The following EXD3 variants were observed in gnomAD, a reference collection of about 807,000 sequenced individuals.
EXD3 encodes exonuclease mut-7 homolog.
Under a neutral mutation model 98.0 loss-of-function variants are expected in EXD3, and 92 were observed. The ratio of observed to expected loss-of-function variants is 0.94; its 90% CI spans 0.79 to 1.12. The LOEUF (loss-of-function observed/expected upper bound fraction) is 1.12. EXD3 is among the 50% of genes most tolerant of loss of function. EXD3 has a pLI of 0.00. For synonymous variants in EXD3, 569 were observed against 526.0 expected (o/e 1.08, Z -1.12); for missense variants, 1,222 against 1,191.6 (o/e 1.03, Z -0.38).
At position 137,384,623 on chromosome 9, in the gene EXD3, T is replaced by C. The variant is rs539656830; in HGVS notation, c.56-1246A>G. 2.0e-5 allele frequency among the ~76,000 whole-genome samples: 3 copies of C among 152,178 alleles called. 1 individual carries two copies. The highest frequency in any genetic ancestry group is 2.0e-4 in the Admixed American group (3 of 15,272). ...CATCAGGACCGGCCGACAATGTGAT[T>C]GATTACACAGAAAGCCACGAAGGAT... On this transcript the variant is annotated intron_variant, in intron 2 of 21. Coordinates refer to ENST00000340951, the MANE Select transcript of EXD3 (RefSeq NM_017820.5).
At chr9:137,308,557 G>A (rs916713155) in intron 20 of EXD3, among the ~76,000 whole-genome samples, 1 of 151,906 alleles carries the variant, frequency 6.6e-6, no homozygotes, top group African/African-American at 2.4e-5. Flanking sequence ...CTCCAGCCTC[G>A]CTCTCCGGGG....
intron 1 of EXD3, among the ~76,000 whole-genome samples, chr9:137,412,031 G>A (rs1052017829): frequency 6.6e-6 from 1 of 152,150 alleles, no homozygotes; most frequent in African/African-American, 2.4e-5. Flanking sequence ...GCACCCCGAT[G>A]GGGGGCTCCC....
chr9:137,327,135 CTTTT>C (rs777851313), intron 17 of EXD3, among the ~76,000 whole-genome samples: 6 of 138,272 alleles, frequency 4.3e-5, no homozygotes, highest in African/African-American at 8.0e-5. Context: ...GGTACGGAGT[CTTTT>C]TTTTTTTTTT....
At chr9:137,354,913 C>T in intron 8 of EXD3, 140 bp from the exon 9 acceptor site, 1 of 817,558 alleles carries the variant, frequency 1.2e-6, no homozygotes, top group South Asian at 1.8e-5. Flanking sequence ...CCCACCCCCT[C>T]CTCACCACCT....
intron 7 of EXD3, among the ~76,000 whole-genome samples, chr9:137,358,148 G>A (rs1411319293): frequency 6.6e-6 from 1 of 152,164 alleles, no homozygotes; most frequent in African/African-American, 2.4e-5. Flanking sequence ...AACCATCCCA[G>A]TGTGTTAGTG....
chr9:137,369,500 C>T (rs377361909), intron 5 of EXD3, among the ~76,000 whole-genome samples: 12 of 152,322 alleles, frequency 7.9e-5, no homozygotes, highest in East Asian at 1.9e-4. Flanking sequence ...GGGCTGCGCC[C>T]GGCACCTCCT....
chr9:137,350,859 C>G (rs1024357359), intron 14 of EXD3, among the ~76,000 whole-genome samples, 179 bp downstream of exon 14: 4 of 152,116 alleles, frequency 2.6e-5, no homozygotes, highest in African/African-American at 9.7e-5. Context: ...TGCTCCCTCC[C>G]TGGAGATGCC....
rs1198165169 is a variant in EXD3, at chr9:137,395,214, A to G, written c.55+89T>C. The G allele has an allele frequency of 1.7e-6, 2 of 1,210,972 alleles. No individual in the cohort carries two copies. The highest frequency in any genetic ancestry group is 4.7e-5 in the East Asian group (2 of 42,848). 75.0% of individuals were successfully genotyped at this position (1,210,972 alleles called of 1,614,324 possible). A position where few individuals can be genotyped will look rare whatever the true frequency, so the allele number is the denominator to read the frequency against. On this transcript the variant is annotated intron_variant, in intron 2 of 21. Coordinates refer to ENST00000340951, the MANE Select transcript of EXD3 (RefSeq NM_017820.5). This position sits in a 1 kb window ranked among gnomAD's most constrained non-coding sequence, Gnocchi z 6.5. Reference sequence around the variant, plus strand: ...AGCAGCCTGGCCCTCGTCACTGAGTACACAGTGGGCGCCACCACCCCCCAT... The same window carrying G: ...AGCAGCCTGGCCCTCGTCACTGAGTGCACAGTGGGCGCCACCACCCCCCAT...
At chr9:137,332,561 T>C (rs945370954) in intron 17 of EXD3, among the ~76,000 whole-genome samples, 2 of 109,100 alleles carry the variant, frequency 1.8e-5, no homozygotes, top group Non-Finnish European at 3.9e-5. Context: ...TACATGGTAT[T>C]GGCCAGGCGC....
chr9:137,386,827 C>T (rs1423373882), intron 2 of EXD3, among the ~76,000 whole-genome samples: 6 of 146,576 alleles, frequency 4.1e-5, no homozygotes, highest in African/African-American at 1.3e-4. Flanking sequence ...AGCACACCTG[C>T]TCCCTGCCTG....
At chr9:137,374,663 G>T in intron 3 of EXD3, 1 of 985,600 alleles carries the variant, frequency 1.0e-6, no homozygotes, top group Non-Finnish European at 1.2e-6. Context: ...CATGCCCAAA[G>T]GCGCGGGAGG....
intron 1 of EXD3, among the ~76,000 whole-genome samples, chr9:137,415,204 T>G (rs551203901): frequency 4.5e-4 from 67 of 147,514 alleles, no homozygotes; most frequent in Admixed American, 1.6e-3. Flanking sequence ...AGGTTTGTTT[T>G]TTTTTTTTCT....
chr9:137,420,448 C>T (rs1481692068), intron 1 of EXD3, among the ~76,000 whole-genome samples: 1 of 152,154 alleles, frequency 6.6e-6, no homozygotes, highest in Non-Finnish European at 1.5e-5. Flanking sequence ...TAGTTCTTTG[C>T]ATGAGTTCAG....
chr9:137,398,632 ACAGGCACCCGCG>A, intron 1 of EXD3, among the ~76,000 whole-genome samples: 1 of 150,332 alleles, frequency 6.7e-6, no homozygotes, highest in Non-Finnish European at 1.5e-5. Flanking sequence ...CCCAAGACAC[ACAGGCACCCGCG>A]TCCCCAAGAC....
intron 17 of EXD3, among the ~76,000 whole-genome samples, chr9:137,334,780 CAGAGA>C (rs928690059): frequency 6.6e-6 from 1 of 152,154 alleles, no homozygotes; most frequent in Non-Finnish European, 1.5e-5. Flanking sequence ...AAATAATCAT[CAGAGA>C]AAACACCAGC....
At chr9:137,358,456 A>C (rs1309000849) in intron 7 of EXD3, among the ~76,000 whole-genome samples, 1 of 152,054 alleles carries the variant, frequency 6.6e-6, no homozygotes, top group African/African-American at 2.4e-5. Context: ...CTGGGCCTCC[A>C]CTTCCTGTGC....
chr9:137,311,508 G>C (rs922667287), intron 19 of EXD3, among the ~76,000 whole-genome samples: 3 of 152,230 alleles, frequency 2.0e-5, no homozygotes, highest in Admixed American at 2.0e-4. Context: ...GGGGTCCGGG[G>C]CCTTCCCAGG....
At chr9:137,355,578 GGA>G in intron 8 of EXD3, among the ~76,000 whole-genome samples, 1 of 83,972 alleles carries the variant, frequency 1.2e-5, no homozygotes, top group South Asian at 4.6e-4. Flanking sequence ...GATGGAGGAA[GGA>G]GGAAGGAGAA....
intron 17 of EXD3, among the ~76,000 whole-genome samples, chr9:137,335,796 A>C (rs542570566): frequency 1.3e-5 from 2 of 152,344 alleles, no homozygotes; most frequent in South Asian, 4.1e-4. Context: ...CTGAGTATCT[A>C]CCCAAAGGAA....
Sources: allele counts gnomAD v4.1 joint callset (sites outside exome capture counted in the v4.1 genomes callset), GRCh38; gene constraint gnomAD v4.1.1; non-coding constraint Gnocchi (gnomAD v3.1); transcripts MANE v1.5; gene names NCBI Gene and HGNC (gene_info 2026-07-23, HGNC 2026-07-21).